Variants in MAF observed in about 807,000 individuals in gnomAD.
MAF encodes the protein transcription factor Maf.
In MAF, 10 loss-of-function variants were observed where a neutral mutation model predicts 22.0. That is an observed-to-expected ratio of 0.45 (90% CI 0.28 to 0.77). The LOEUF is 0.77. Ranked by LOEUF, MAF falls within the 30% of genes least tolerant of loss-of-function variation. The probability of loss-of-function intolerance (pLI) is 0.12; values close to 1 mark genes in which losing one functional copy is unlikely to be tolerated. For missense variants in MAF, 544 were observed against 548.4 expected (o/e 0.99, Z 0.08); for synonymous variants, 337 against 255.8 (o/e 1.32, Z -3.03).
downstream of MAF, chr16:79,585,707 T>C (rs1466346916): frequency 2.4e-5 from 13 of 552,208 alleles, no homozygotes; most frequent in Non-Finnish European, 3.8e-5. Context: ...TGTCACCATT[T>C]ACATGACACG....
chr16:79,505,940 G>A, the MAF span, among the ~76,000 whole-genome samples: 2 of 151,850 alleles, frequency 1.3e-5, no homozygotes, highest in Admixed American at 6.6e-5. Flanking sequence ...GAAGGAAGAG[G>A]AAGGAAAAGA....
At chr16:79,256,751 C>A in the MAF span, among the ~76,000 whole-genome samples, 1 of 152,306 alleles carries the variant, frequency 6.6e-6, no homozygotes, top group African/African-American at 2.4e-5. Flanking sequence ...TGATGCTAGG[C>A]AACCTGTCTT....
chr16:79,505,823 T>A, the MAF span: 2 of 152,018 alleles, frequency 1.3e-5, no homozygotes, highest in African/African-American at 4.8e-5. Context: ...AAAAATGCAC[T>A]CATGAGAAAA....
chr16:79,243,222 G>A, the MAF span, among the ~76,000 whole-genome samples: 5 of 151,878 alleles, frequency 3.3e-5, no homozygotes, highest in Admixed American at 3.3e-4. Flanking sequence ...GAAGGTGATA[G>A]AGACACAAAA....
chr16:79,401,400 G>A, the MAF span, among the ~76,000 whole-genome samples: 9 of 152,132 alleles, frequency 5.9e-5, no homozygotes, highest in African/African-American at 1.9e-4. Context: ...AACAGGAAAT[G>A]CAGCTCAGAG....
the MAF span, among the ~76,000 whole-genome samples, chr16:79,508,265 C>G: frequency 1.3e-5 from 2 of 152,316 alleles, no homozygotes; most frequent in African/African-American, 4.8e-5. Context: ...GGCTGAGCAC[C>G]TCTCAGGTCT....
chr16:79,431,408 A>T, the MAF span, among the ~76,000 whole-genome samples: 5 of 152,208 alleles, frequency 3.3e-5, no homozygotes, highest in Non-Finnish European at 7.3e-5. Flanking sequence ...TCAGCACCTC[A>T]GTTTTGTTAT....
the MAF span, among the ~76,000 whole-genome samples, chr16:79,570,433 C>A: frequency 6.6e-6 from 1 of 152,184 alleles, no homozygotes; most frequent in Non-Finnish European, 1.5e-5. Context: ...CCTATCACTT[C>A]TTCCTGGGTA....
the MAF span, among the ~76,000 whole-genome samples, chr16:79,307,222 C>T: frequency 3.4e-4 from 52 of 152,300 alleles, 1 homozygote; most frequent in East Asian, 8.5e-3. Flanking sequence ...TGACCTCACA[C>T]GAGCTGACCA....
chr16:79,597,298 G>T (rs1913590624), intron 1 of MAF: 4 of 1,041,984 alleles, frequency 3.8e-6, no homozygotes, highest in East Asian at 1.1e-4. Flanking sequence ...ATAAAAACTA[G>T]AATTAAATTA....
the MAF span, among the ~76,000 whole-genome samples, chr16:79,393,321 C>A: frequency 6.6e-6 from 1 of 152,170 alleles, no homozygotes; most frequent in East Asian, 1.9e-4. Context: ...GGTCCAGTGG[C>A]TGGTGCTAAT....
At chr16:79,214,737 G>A in the MAF span, among the ~76,000 whole-genome samples, 1 of 85,316 alleles carries the variant, frequency 1.2e-5, no homozygotes, top group African/African-American at 4.9e-5. Context: ...TTTTGAGACA[G>A]AATCTCACTC....
At chr16:79,526,685 A>G in the MAF span, among the ~76,000 whole-genome samples, 1 of 152,152 alleles carries the variant, frequency 6.6e-6, no homozygotes, top group Non-Finnish European at 1.5e-5. Flanking sequence ...AAACAAAACA[A>G]AACACTGTGG....
At chr16:79,283,097 G>T in the MAF span, among the ~76,000 whole-genome samples, 1 of 152,172 alleles carries the variant, frequency 6.6e-6, no homozygotes, top group African/African-American at 2.4e-5. Context: ...ATTCATCTTT[G>T]TATCTCTGGT....
the MAF span, among the ~76,000 whole-genome samples, chr16:79,387,614 T>C: frequency 2.6e-5 from 4 of 152,274 alleles, no homozygotes; most frequent in East Asian, 7.7e-4. Flanking sequence ...ATTACAAGGA[T>C]GTAATAATGG....
At chr16:79,565,412 C>T in the MAF span, among the ~76,000 whole-genome samples, 481 of 152,318 alleles carry the variant, frequency 3.2e-3, no homozygotes, top group Non-Finnish European at 5.8e-3. Context: ...TATCACAACT[C>T]TCCCTTACCT....
chr16:79,405,906 C>G, the MAF span, among the ~76,000 whole-genome samples: 1 of 152,186 alleles, frequency 6.6e-6, no homozygotes, highest in African/African-American at 2.4e-5. Flanking sequence ...CAATGCACAC[C>G]ATTCACACTT....
chr16:79,352,857 T>G, the MAF span, among the ~76,000 whole-genome samples: 1 of 152,208 alleles, frequency 6.6e-6, no homozygotes, highest in Admixed American at 6.5e-5. Flanking sequence ...TGCAAAATGT[T>G]GCAGGGAGGT....
the MAF span, among the ~76,000 whole-genome samples, chr16:79,246,128 G>A: frequency 6.6e-6 from 1 of 152,072 alleles, no homozygotes; most frequent in African/African-American, 2.4e-5. Context: ...GATGGGTGCA[G>A]CAAACCACCA....
Sources: allele counts gnomAD v4.1 joint callset (sites outside exome capture counted in the v4.1 genomes callset), GRCh38; gene constraint gnomAD v4.1.1; transcripts MANE v1.5; gene names NCBI Gene and HGNC (gene_info 2026-07-23, HGNC 2026-07-21).